Variants in ADD3 observed in about 807,000 individuals in gnomAD.
ADD3 encodes gamma-adducin.
In ADD3, 25 loss-of-function variants were observed where a neutral mutation model predicts 80.2. The ratio of observed to expected loss-of-function variants is 0.31; its 90% CI spans 0.23 to 0.44. The LOEUF is 0.44. Ranked by LOEUF, ADD3 falls within the 20% of genes least tolerant of loss-of-function variation. ADD3 has a pLI of 1.00. For synonymous variants in ADD3, 284 were observed against 289.6 expected (o/e 0.98, Z 0.20); for missense variants, 829 against 847.5 (o/e 0.98, Z 0.27).
chr10:110,118,555 C>A, intron 5 of ADD3, 32 bp from the exon 6 acceptor site: 2 of 1,595,018 alleles, frequency 1.3e-6, no homozygotes, highest in Non-Finnish European at 1.7e-6. Context: ...TACGTATATA[C>A]CAGTTAAATA....
upstream of ADD3, among the ~76,000 whole-genome samples, chr10:110,007,023 G>A (rs907493106): frequency 1.3e-5 from 2 of 152,100 alleles, no homozygotes; most frequent in African/African-American, 4.8e-5. Flanking sequence ...ACCGCTGGGA[G>A]GTCTATTTCA....
intron 1 of ADD3, among the ~76,000 whole-genome samples, chr10:110,083,253 C>T (rs1336120705): frequency 6.6e-6 from 1 of 152,088 alleles, no homozygotes; most frequent in Non-Finnish European, 1.5e-5. Flanking sequence ...AAAGTATGGA[C>T]AAATATTGGA....
intron 1 of ADD3, among the ~76,000 whole-genome samples, chr10:110,013,564 G>A (rs1852576946): frequency 6.6e-6 from 1 of 152,166 alleles, no homozygotes; most frequent in Non-Finnish European, 1.5e-5. Flanking sequence ...AGTGTCTCAA[G>A]AAGTATACTA....
chr10:110,129,153 T>TC lies in ADD3; in HGVS notation c.1609-1210_1609-1209insC, dbSNP rs1016073002. Among the ~76,000 whole-genome samples, 1,436 of 149,806 alleles carry TC rather than the reference T, an allele frequency of 9.6e-3. 25 individuals carry two copies. The highest frequency in any genetic ancestry group is 0.034 in the African/African-American group (1,389 of 40,762). On this transcript the variant is annotated intron_variant, in intron 12 of 14. Transcript: ENST00000356080. ...GTTTTTCTTTCTTTCTTTCTTTCTT[T>TC]TTTTTTTTTTTTTGAGACGGAGTTT...
intron 1 of ADD3, among the ~76,000 whole-genome samples, chr10:110,043,716 C>T (rs1856613421): frequency 6.6e-6 from 1 of 152,154 alleles, no homozygotes; most frequent in Non-Finnish European, 1.5e-5. Flanking sequence ...TTAATTCTTG[C>T]TGATAAACAC....
At chr10:110,074,030 T>C (rs1460260541) in intron 1 of ADD3, among the ~76,000 whole-genome samples, 4 of 152,132 alleles carry the variant, frequency 2.6e-5, no homozygotes, top group African/African-American at 9.7e-5. Flanking sequence ...GCAAAGCTCA[T>C]CTCTGTGGCT....
intron 1 of ADD3, among the ~76,000 whole-genome samples, chr10:110,015,566 G>C (rs1392036977): frequency 6.6e-6 from 1 of 151,988 alleles, no homozygotes; most frequent in Non-Finnish European, 1.5e-5. Context: ...AGTGGAGACA[G>C]GGTTTTACCA....
intron 1 of ADD3, among the ~76,000 whole-genome samples, chr10:110,038,069 CAAA>C (rs754609555): frequency 2.5e-3 from 111 of 43,876 alleles, no homozygotes; most frequent in African/African-American, 6.8e-3. Flanking sequence ...AACTCCGTCT[CAAA>C]AAAAAAAAAA....
chr10:110,084,522 A>G (rs1275579005), intron 1 of ADD3, among the ~76,000 whole-genome samples: 2 of 152,220 alleles, frequency 1.3e-5, no homozygotes, highest in Admixed American at 1.3e-4. Flanking sequence ...AGTCTTATGT[A>G]TCTCATTCTA....
intron 1 of ADD3, among the ~76,000 whole-genome samples, chr10:110,035,336 A>G (rs1482606402): frequency 6.6e-6 from 1 of 152,120 alleles, no homozygotes; most frequent in African/African-American, 2.4e-5. Context: ...AACCCCATCT[A>G]TCTGCATCCC....
At chr10:110,060,359 T>C (rs901807095) in intron 1 of ADD3, among the ~76,000 whole-genome samples, 3 of 152,184 alleles carry the variant, frequency 2.0e-5, no homozygotes, top group Non-Finnish European at 2.9e-5. Flanking sequence ...GATAGTGGAT[T>C]AAATATGGAG....
Position 110,000,613 on chromosome 10 carries a change from C to T in ADD3, n.79+4167C>T, listed in dbSNP as rs1309736693. The stretch of plus-strand genomic sequence containing the variant: ...AACTCCACTTTTGCAGTTCCATACT[C>T]TTCCCAAGAAACTGGCTCATATTTT... On this transcript the variant is annotated intron_variant and non_coding_transcript_variant, in intron 1 of 5. Transcript: ENST00000468251. 2.6e-5 allele frequency among the ~76,000 whole-genome samples: 4 copies of T among 152,214 alleles called. No homozygotes were observed. The East Asian group carries it at 7.7e-4, about 29-fold the overall frequency.
intron 6 of ADD3, among the ~76,000 whole-genome samples, chr10:110,118,965 G>GT (rs1029445512): frequency 2.6e-5 from 4 of 152,332 alleles, no homozygotes; most frequent in African/African-American, 9.6e-5. Flanking sequence ...GGGTCATTGA[G>GT]TTTTTTGGAG....
intron 1 of ADD3, among the ~76,000 whole-genome samples, chr10:110,065,539 C>CCTTTTT (rs1843806502): frequency 9.6e-5 from 3 of 31,172 alleles, no homozygotes; most frequent in South Asian, 1.2e-3. Flanking sequence ...TCTCTCTCCC[C>CCTTTTT]TTTTTTTTTT....
chr10:110,115,236 A>G (rs1203618635), intron 3 of ADD3, among the ~76,000 whole-genome samples: 2 of 152,046 alleles, frequency 1.3e-5, no homozygotes, highest in Non-Finnish European at 2.9e-5. Context: ...CTAAAATACA[A>G]AATTAGCTGG....
rs888521463 is a variant in ADD3, at chr10:110,031,780, A to G, written c.-30+23481A>G. ...TTTAAGTAACTTTTAAAAATTGACAAAAGTTACATGTATGTATTATCTAAA... is the reference window on the plus strand; with the variant it reads ...TTTAAGTAACTTTTAAAAATTGACAGAAGTTACATGTATGTATTATCTAAA... On this transcript the variant is annotated intron_variant, in intron 1 of 14. Coordinates refer to ENST00000356080, the MANE Select transcript of ADD3 (RefSeq NM_016824.5). 9.2e-5 allele frequency among the ~76,000 whole-genome samples: 14 copies of G among 152,086 alleles called. No individual in the cohort carries two copies. The East Asian group carries it at 1.5e-3, about 17-fold the overall frequency.
intron 14 of ADD3, chr10:110,132,652 G>C: frequency 2.5e-6 from 1 of 395,638 alleles, no homozygotes. Context: ...AATTGGCTGG[G>C]CGCGGTGGCT....
rs1300799341 is a variant in ADD3 at position 110,117,428 on chromosome 10, A to G, written c.567+6A>G. On this transcript the variant is annotated splice_donor_region_variant and intron_variant, in intron 5 of 14. Transcript: ENST00000356080. ...AAGCTACAGCCTCCAATTTGGTATA[A>G]TTTTCCATTCCTGTGTTGCTTTTTC... 1.9e-6 allele frequency: 3 copies of G among 1,561,776 alleles called. No individual in the cohort carries two copies. Among genetic ancestry groups the G allele is most frequent in the East Asian group, 2.2e-5 (1 of 44,538 alleles).
upstream of ADD3, among the ~76,000 whole-genome samples, chr10:110,004,811 A>C (rs1455299841): frequency 6.6e-6 from 1 of 152,088 alleles, no homozygotes; most frequent in African/African-American, 2.4e-5. Context: ...TAGAGAAAAA[A>C]ACATAACTGG....
Sources: gnomAD v4.1 joint callset for allele counts (sites outside exome capture counted in the v4.1 genomes callset) on GRCh38, gnomAD v4.1.1 for gene constraint, MANE v1.5 for transcripts, NCBI Gene and HGNC (gene_info 2026-07-23, HGNC 2026-07-21) for gene names.